CADM1: variants seen among roughly 807,000 people sequenced by gnomAD.
The protein encoded by CADM1 is cell adhesion molecule 1.
A neutral mutation model predicts 53.1 loss-of-function variants in CADM1; 15 were observed. The observed-to-expected ratio is 0.28, with a 90% CI of 0.19 to 0.44. The LOEUF (loss-of-function observed/expected upper bound fraction) is 0.44. Ranked by LOEUF, CADM1 falls within the 20% of genes least tolerant of loss-of-function variation. CADM1 has a pLI of 1.00. For missense variants in CADM1, 434 were observed against 611.3 expected (o/e 0.71, Z 3.06); for synonymous variants, 281 against 243.0 (o/e 1.16, Z -1.45).
chr11:115,488,643 CA>C (rs969601082), intron 1 of CADM1, among the ~76,000 whole-genome samples: 1 of 152,164 alleles, frequency 6.6e-6, no homozygotes, highest in Non-Finnish European at 1.5e-5. Context: ...TCTGCCTACA[CA>C]TGAAATCTCT....
intron 1 of CADM1, among the ~76,000 whole-genome samples, chr11:115,488,298 A>G (rs1949420813): frequency 6.6e-6 from 1 of 152,204 alleles, no homozygotes. Context: ...GGGAAAAGGG[A>G]AGTCTAAATG....
At chr11:115,430,242 CCTCCAGCCATTT>C (rs1010546126) in intron 1 of CADM1, among the ~76,000 whole-genome samples, 3 of 152,198 alleles carry the variant, frequency 2.0e-5, no homozygotes, top group Admixed American at 2.0e-4. Flanking sequence ...TTCTCATTCT[CCTCCAGCCATTT>C]CCCTCCAGCT....
intron 5 of CADM1, 155 bp from the exon 6 acceptor site, chr11:115,218,146 T>C (rs1282929382): frequency 6.0e-6 from 4 of 665,764 alleles, no homozygotes; most frequent in South Asian, 4.7e-5. Flanking sequence ...AATCCTGGCA[T>C]TTGCTCAAAT....
intron 1 of CADM1, among the ~76,000 whole-genome samples, chr11:115,342,344 C>G (rs1228226209): frequency 6.6e-6 from 1 of 152,106 alleles, no homozygotes; most frequent in African/African-American, 2.4e-5. Flanking sequence ...TTAAGTAATA[C>G]ACGATGTAGT....
At chr11:115,281,574 C>T (rs1253506065) in intron 1 of CADM1, among the ~76,000 whole-genome samples, 2 of 152,036 alleles carry the variant, frequency 1.3e-5, no homozygotes, top group Non-Finnish European at 2.9e-5. Context: ...TTCTGAATGG[C>T]CACCTCCAGT....
At chr11:115,348,110 T>G (rs1053536652) in intron 1 of CADM1, among the ~76,000 whole-genome samples, 1 of 152,204 alleles carries the variant, frequency 6.6e-6, no homozygotes, top group African/African-American at 2.4e-5. Flanking sequence ...GTGTGAGCGT[T>G]TGAGTAGTGC....
intron 1 of CADM1, among the ~76,000 whole-genome samples, chr11:115,267,959 G>T (rs1443017525): frequency 6.6e-6 from 1 of 152,130 alleles, no homozygotes; most frequent in African/African-American, 2.4e-5. Context: ...TTAGCAAAAG[G>T]ATTATTTACT....
intron 1 of CADM1, among the ~76,000 whole-genome samples, chr11:115,298,786 C>T (rs183063286): frequency 4.5e-4 from 68 of 152,300 alleles, no homozygotes; most frequent in African/African-American, 1.4e-3. Flanking sequence ...CTCACTGTCA[C>T]GTGGTATTTA....
At chr11:115,302,139 C>T (rs551384184) in intron 1 of CADM1, among the ~76,000 whole-genome samples, 3 of 151,862 alleles carry the variant, frequency 2.0e-5, no homozygotes, top group African/African-American at 4.8e-5. Context: ...CCACACACAC[C>T]GGGGCCTATT....
intron 1 of CADM1, among the ~76,000 whole-genome samples, chr11:115,354,090 G>T (rs1416462909): frequency 6.6e-6 from 1 of 152,148 alleles, no homozygotes. Context: ...TCTGGAAGCA[G>T]AAGAGACTAA....
chr11:115,349,312 T>C (rs1945663802), intron 1 of CADM1, among the ~76,000 whole-genome samples: 1 of 152,206 alleles, frequency 6.6e-6, no homozygotes, highest in African/African-American at 2.4e-5. Flanking sequence ...TTACATTTCA[T>C]ATGCAAGATT....
intron 1 of CADM1, among the ~76,000 whole-genome samples, chr11:115,290,047 C>T (rs141382735): frequency 2.1e-3 from 316 of 152,306 alleles, no homozygotes; most frequent in African/African-American, 7.1e-3. Flanking sequence ...GTAGATTCCA[C>T]GAGCGCCACA....
chr11:115,412,401 G>A (rs1009275090), intron 1 of CADM1, among the ~76,000 whole-genome samples: 1 of 152,076 alleles, frequency 6.6e-6, no homozygotes, highest in African/African-American at 2.4e-5. Context: ...TTGCTATGTT[G>A]CCCAGGCTAG....
chr11:115,408,230 C>T (rs922806347), intron 1 of CADM1, among the ~76,000 whole-genome samples: 5 of 152,168 alleles, frequency 3.3e-5, no homozygotes, highest in African/African-American at 9.7e-5. Flanking sequence ...AATGGAATGA[C>T]GTCCCCCTTA....
chr11:115,393,899 C>T (rs182894037), intron 1 of CADM1, among the ~76,000 whole-genome samples: 28 of 151,756 alleles, frequency 1.8e-4, no homozygotes, highest in Admixed American at 1.2e-3. Flanking sequence ...TCACCGACCA[C>T]GGTAATAAAT....
intron 1 of CADM1, among the ~76,000 whole-genome samples, chr11:115,338,132 G>A (rs1371720240): frequency 6.6e-6 from 1 of 152,108 alleles, no homozygotes; most frequent in East Asian, 1.9e-4. Context: ...GGAGGAGGAG[G>A]AGAACATCAT....
At chr11:115,444,868 C>G (rs1021460816) in intron 1 of CADM1, among the ~76,000 whole-genome samples, 4 of 152,174 alleles carry the variant, frequency 2.6e-5, no homozygotes, top group African/African-American at 9.7e-5. Context: ...ACCATAGCTT[C>G]TACGTAAGGA....
chr11:115,340,658 A>ATATATATATTTTTTTTTT (rs60532835), intron 1 of CADM1, among the ~76,000 whole-genome samples: 1 of 34,944 alleles, frequency 2.9e-5, no homozygotes, highest in Non-Finnish European at 4.5e-5. Context: ...ATATATATAT[A>ATATATATATTTTTTTTTT]TTTTTTTTTT....
At position 115,225,313 on chromosome 11, in the gene CADM1, A is replaced by AGG. The variant is rs34306219; in HGVS notation, c.721+3798_721+3799dup. On this transcript the variant is annotated intron_variant, in intron 5 of 11. Coordinates refer to ENST00000331581, the MANE Select transcript of CADM1 (RefSeq NM_001301043.2). ...GTGCCTTTCATATTTATAATAAAAAAGGGGGGGGGACTTTAATTCACTGAT... is the reference window on the plus strand; with the variant it reads ...GTGCCTTTCATATTTATAATAAAAAAGGGGGGGGGGGACTTTAATTCACTGAT... 4.6e-3 allele frequency among the ~76,000 whole-genome samples: 690 copies of AGG among 148,960 alleles called. 2 individuals are homozygous for AGG. The highest frequency in any genetic ancestry group is 7.1e-3 in the Non-Finnish European group (475 of 66,964).
Sources: gnomAD v4.1 joint callset for allele counts (sites outside exome capture counted in the v4.1 genomes callset) on GRCh38, gnomAD v4.1.1 for gene constraint, MANE v1.5 for transcripts, NCBI Gene and HGNC (gene_info 2026-07-23, HGNC 2026-07-21) for gene names.